Variants in CSMD3 observed in about 807,000 individuals in gnomAD.
The protein encoded by CSMD3 is CUB and Sushi multiple domains 3.
A neutral mutation model predicts 435.2 loss-of-function variants in CSMD3; 177 were observed. The observed-to-expected ratio is 0.41, with a 90% confidence interval of 0.36 to 0.46. The LOEUF (loss-of-function observed/expected upper bound fraction) is 0.46, where lower values mean the gene tolerates loss of function less well. Ranked by LOEUF, CSMD3 falls within the 20% of genes least tolerant of loss-of-function variation. The pLI is 0.34. For synonymous variants in CSMD3, 1,656 were observed against 1,520.5 expected (o/e 1.09, Z -2.07); for missense variants, 4,265 against 4,504.6 (o/e 0.95, Z 1.52).
chr8:113,261,226 ATC>A (rs750629392), intron 3 of CSMD3, among the ~76,000 whole-genome samples: 3 of 152,102 alleles, frequency 2.0e-5, no homozygotes, highest in Non-Finnish European at 4.4e-5. Flanking sequence ...CAAAATAATA[ATC>A]TGTTATAGTT....
chr8:112,903,693 G>C (rs2082172187), intron 10 of CSMD3, among the ~76,000 whole-genome samples: 1 of 151,188 alleles, frequency 6.6e-6, no homozygotes, highest in African/African-American at 2.4e-5. Flanking sequence ...ATCACCTGCT[G>C]GATGTCTCTG....
chr8:112,572,826 G>T (rs1829641566), intron 24 of CSMD3, among the ~76,000 whole-genome samples: 1 of 152,008 alleles, frequency 6.6e-6, no homozygotes. Flanking sequence ...TATTTGAATA[G>T]AATTTATTTT....
At chr8:112,280,997 T>C (rs566902399) in intron 59 of CSMD3, among the ~76,000 whole-genome samples, 177 bp downstream of exon 59, 1 of 152,306 alleles carries the variant, frequency 6.6e-6, no homozygotes, top group East Asian at 1.9e-4. Flanking sequence ...CAACTTATCC[T>C]AAAGTCATTA....
intron 3 of CSMD3, among the ~76,000 whole-genome samples, chr8:113,219,927 T>C (rs1037502122): frequency 2.0e-5 from 3 of 151,410 alleles, no homozygotes; most frequent in African/African-American, 7.3e-5. Flanking sequence ...CTTTTGACAT[T>C]TGAGGAGAAA....
At chr8:112,939,256 G>A (rs543543086) in intron 9 of CSMD3, among the ~76,000 whole-genome samples, 1 of 152,162 alleles carries the variant, frequency 6.6e-6, no homozygotes, top group South Asian at 2.1e-4. Context: ...GATAGAAGTG[G>A]CATCAGTGTT....
At chr8:112,613,303 CTTGCTTA>C (rs1833406558) in intron 22 of CSMD3, among the ~76,000 whole-genome samples, 1 of 151,804 alleles carries the variant, frequency 6.6e-6, no homozygotes, top group Non-Finnish European at 1.5e-5. Context: ...TTTTGGTTTG[CTTGCTTA>C]AACTTCTTTG....
intron 4 of CSMD3, among the ~76,000 whole-genome samples, chr8:113,140,728 A>T (rs1171587406): frequency 6.6e-6 from 1 of 150,976 alleles, no homozygotes; most frequent in Admixed American, 6.6e-5. Context: ...ATGTAAAAAC[A>T]ATCTAAGAAA....
chr8:113,425,873 C>T (rs929702548), intron 1 of CSMD3, among the ~76,000 whole-genome samples: 6 of 151,558 alleles, frequency 4.0e-5, no homozygotes, highest in African/African-American at 1.4e-4. Context: ...AAAGTTGGCA[C>T]ACAAATTAGC....
chr8:112,865,743 G>A (rs1357638105), intron 10 of CSMD3, among the ~76,000 whole-genome samples: 1 of 149,048 alleles, frequency 6.7e-6, no homozygotes, highest in Non-Finnish European at 1.5e-5. Flanking sequence ...ATTGTTTATT[G>A]TCTGTTTTCC....
At chr8:112,602,603 G>C (rs1563756713) in intron 22 of CSMD3, among the ~76,000 whole-genome samples, 2 of 150,238 alleles carry the variant, frequency 1.3e-5, no homozygotes, top group South Asian at 2.1e-4. Flanking sequence ...GAAAATTAGT[G>C]TCTAACTTTT....
chr8:112,244,340 G>A (rs2130104600), intron 65 of CSMD3, 54 bp downstream of exon 65: 1 of 1,458,872 alleles, frequency 6.9e-7, no homozygotes, highest in Non-Finnish European at 9.6e-7. Flanking sequence ...CTGGAGCAAA[G>A]GAAAGCAATA....
intron 38 of CSMD3, among the ~76,000 whole-genome samples, chr8:112,361,133 C>T (rs939700793): frequency 2.4e-4 from 36 of 151,808 alleles, no homozygotes; most frequent in African/African-American, 8.2e-4. Flanking sequence ...AGGCTAGTTT[C>T]CTGCTTAACA....
intron 35 of CSMD3, among the ~76,000 whole-genome samples, chr8:112,396,219 T>C (rs1381197492): frequency 1.3e-5 from 2 of 152,134 alleles, no homozygotes; most frequent in East Asian, 3.9e-4. Context: ...AGGGAAATCA[T>C]TAGGAATGTA....
At chr8:112,474,193 A>C (rs1818813728) in intron 31 of CSMD3, among the ~76,000 whole-genome samples, 1 of 152,182 alleles carries the variant, frequency 6.6e-6, no homozygotes, top group Non-Finnish European at 1.5e-5. Context: ...GTTACAAACA[A>C]AACAAAAACT....
At chr8:112,943,199 G>A (rs1048955164) in intron 9 of CSMD3, among the ~76,000 whole-genome samples, 2 of 151,532 alleles carry the variant, frequency 1.3e-5, no homozygotes, top group Non-Finnish European at 3.0e-5. Context: ...TAAATTTTAA[G>A]CAATTTTTCC....
chr8:112,548,293 G>A (rs1827367898), intron 27 of CSMD3, among the ~76,000 whole-genome samples: 1 of 152,056 alleles, frequency 6.6e-6, no homozygotes, highest in African/African-American at 2.4e-5. Context: ...TGGGACCTTT[G>A]ATGTGGTGCT....
chr8:112,229,941 T>C (rs983436397), intron 69 of CSMD3, among the ~76,000 whole-genome samples: 3 of 149,634 alleles, frequency 2.0e-5, no homozygotes, highest in African/African-American at 7.4e-5. Flanking sequence ...AGGAAGTGCA[T>C]GGGACAATAG....
chr8:113,256,263 T>A (rs2132328496), intron 3 of CSMD3, among the ~76,000 whole-genome samples: 1 of 152,324 alleles, frequency 6.6e-6, no homozygotes, highest in East Asian at 1.9e-4. Context: ...ATAGTTCAAA[T>A]CTAAGCTGTT....
At chr8:112,232,782 G>T (rs1159578871) in intron 68 of CSMD3, among the ~76,000 whole-genome samples, 1 of 152,108 alleles carries the variant, frequency 6.6e-6, no homozygotes, top group Non-Finnish European at 1.5e-5. Flanking sequence ...GCTTATTTGA[G>T]AATCACAGCT....
Sources: allele counts gnomAD v4.1 joint callset (sites outside exome capture counted in the v4.1 genomes callset), GRCh38; gene constraint gnomAD v4.1.1; transcripts MANE v1.5; gene names NCBI Gene and HGNC (gene_info 2026-07-23, HGNC 2026-07-21).